Variants in TFEC observed in about 807,000 individuals in gnomAD.
The protein encoded by TFEC is transcription factor EC, also known as class E basic helix-loop-helix protein 34.
In TFEC, 31 loss-of-function variants were observed where a neutral mutation model predicts 41.6. That is an observed-to-expected ratio of 0.74 (90% CI 0.56 to 1.01). The LOEUF (loss-of-function observed/expected upper bound fraction) is 1.01, where lower values mean the gene tolerates loss of function less well. Ranked by LOEUF, TFEC falls within the 50% of genes least tolerant of loss-of-function variation. The pLI is 0.00. For synonymous variants in TFEC, 143 were observed against 140.6 expected, an observed-to-expected ratio of 1.02 and a Z score of -0.12; for missense variants, 402 against 404.1, an observed-to-expected ratio of 0.99 and a Z score of 0.04.
chr7:116,026,705 T>C (rs893715854), intron 1 of TFEC, among the ~76,000 whole-genome samples: 1 of 152,120 alleles, frequency 6.6e-6, no homozygotes, highest in Non-Finnish European at 1.5e-5. Context: ...TAGAGAAAAA[T>C]GGTTGTTTGC....
chr7:116,127,191 G>A (rs1798229804), intron 1 of TFEC, among the ~76,000 whole-genome samples: 1 of 151,848 alleles, frequency 6.6e-6, no homozygotes, highest in Non-Finnish European at 1.5e-5. Context: ...TGCCTCCTGG[G>A]TTCACGCCAT....
At chr7:116,056,516 G>A (rs193281625) in intron 3 of TFEC, among the ~76,000 whole-genome samples, 1 of 152,088 alleles carries the variant, frequency 6.6e-6, no homozygotes, top group East Asian at 1.9e-4. Flanking sequence ...TCTCACACCA[G>A]GCCAAGAATG....
rs1450917001 is a variant in TFEC at position 115,941,957 on chromosome 7, C to T, written c.599G>A (p.Arg200Gln). ...TTTCTTCTGTCTGTGTTCCAATTCTCGGGCTCTCTGTTGTTCTTTTTGTAG... is the reference window on the plus strand; with the variant it reads ...TTTCTTCTGTCTGTGTTCCAATTCTTGGGCTCTCTGTTGTTCTTTTTGTAG... ...KWLQKEQQRA[R>Q]ELEHRQKKLE... Residue 200 changes from arginine to glutamine, a missense_variant, in exon 7 of 8, where the codon CGA (arginine) becomes CAA (glutamine). Transcript: ENST00000265440. The T allele has an allele frequency of 8.1e-6, 13 of 1,612,988 alleles. No homozygotes were observed. The highest frequency in any genetic ancestry group is 3.3e-5 in the Admixed American group (2 of 59,856).
chr7:116,073,463 T>C (rs550005282), intron 3 of TFEC, among the ~76,000 whole-genome samples: 19 of 151,876 alleles, frequency 1.3e-4, no homozygotes, highest in African/African-American at 4.6e-4. Flanking sequence ...TTTTTTTTTT[T>C]ATTATACTTT....
chr7:115,947,768 TTTG>T (rs964077030), intron 6 of TFEC, among the ~76,000 whole-genome samples: 2 of 38,278 alleles, frequency 5.2e-5, no homozygotes, highest in African/African-American at 9.7e-5. Context: ...GATGGGGTTG[TTTG>T]TTTTTTCTTG....
chr7:116,094,730 AAAAC>A (rs1209525891), intron 3 of TFEC, among the ~76,000 whole-genome samples: 1 of 152,128 alleles, frequency 6.6e-6, no homozygotes, highest in African/African-American at 2.4e-5. Flanking sequence ...AACAACAAAA[AAAAC>A]AGAGTACATT....
At chr7:116,034,833 T>C (rs1031491546), upstream of TFEC, among the ~76,000 whole-genome samples, 13 of 151,978 alleles carry the variant, frequency 8.6e-5, no homozygotes, top group Admixed American at 7.2e-4. Context: ...TTCCTTAAAA[T>C]GGTGTCTAAG....
chr7:116,051,764 A>G (rs1246915341), intron 3 of TFEC, among the ~76,000 whole-genome samples: 1 of 152,194 alleles, frequency 6.6e-6, no homozygotes, highest in African/African-American at 2.4e-5. Context: ...TTGAATATTT[A>G]TATCAGACAC....
intron 1 of TFEC, among the ~76,000 whole-genome samples, chr7:116,128,171 C>T (rs1167094954): frequency 6.6e-6 from 1 of 152,034 alleles, no homozygotes; most frequent in Non-Finnish European, 1.5e-5. Context: ...GGAAGTTTAA[C>T]CAGGTTAAAC....
In TFEC at chr7:116,024,877, T is replaced by A. The variant is rs375741743; in HGVS notation, c.-73+5756A>T. Among the ~76,000 whole-genome samples the A allele has an allele frequency of 2.5e-4, 38 of 152,278 alleles. No homozygotes were observed. In the East Asian group the frequency reaches 2.7e-3, roughly 11 times the overall value. The stretch of plus-strand genomic sequence containing the variant: ...TATACATTTTTTCCATCTCCTATCA[T>A]ATTCCAGAATATCTTTGCTTGCTCT... On this transcript the variant is annotated intron_variant, in intron 1 of 7. Transcript: ENST00000265440.
intron 3 of TFEC, among the ~76,000 whole-genome samples, chr7:116,106,409 G>A (rs558249808): frequency 1.3e-5 from 2 of 152,148 alleles, no homozygotes; most frequent in Non-Finnish European, 2.9e-5. Context: ...TTTTGAAACA[G>A]AGTTTTGCTG....
At chr7:115,962,398 G>T (rs962754860) in intron 3 of TFEC, among the ~76,000 whole-genome samples, 3 of 151,730 alleles carry the variant, frequency 2.0e-5, no homozygotes, top group African/African-American at 7.3e-5. Context: ...TCTTGTGAAA[G>T]AACAAAGTTG....
intron 1 of TFEC, among the ~76,000 whole-genome samples, chr7:115,992,897 A>G (rs192990583): frequency 1.6e-4 from 24 of 152,326 alleles, no homozygotes; most frequent in African/African-American, 5.5e-4. Context: ...CAGAGATACA[A>G]CAAAAAAAGA....
intron 1 of TFEC, among the ~76,000 whole-genome samples, chr7:116,130,629 G>T (rs986795818): frequency 1.3e-5 from 2 of 152,060 alleles, no homozygotes; most frequent in Non-Finnish European, 2.9e-5. Context: ...GGGGTAGAGT[G>T]GTGGGGACAG....
At chr7:116,104,998 T>C (rs1797684214) in intron 3 of TFEC, among the ~76,000 whole-genome samples, 1 of 152,188 alleles carries the variant, frequency 6.6e-6, no homozygotes, top group African/African-American at 2.4e-5. Flanking sequence ...TTTACCTCTG[T>C]GTCAGGATTA....
chr7:116,031,253 T>C (rs1475427036), upstream of TFEC, among the ~76,000 whole-genome samples: 1 of 152,134 alleles, frequency 6.6e-6, no homozygotes, highest in Non-Finnish European at 1.5e-5. Flanking sequence ...TTACATATGA[T>C]TTTACTCCTA....
At chr7:115,968,976 A>T (rs1793004233) in intron 3 of TFEC, among the ~76,000 whole-genome samples, 2 of 151,806 alleles carry the variant, frequency 1.3e-5, no homozygotes, top group African/African-American at 4.8e-5. Context: ...AATTCTTGTC[A>T]CCTAGTAAGT....
In TFEC at chr7:115,939,806, C is replaced by T. The variant is rs1259297103; in HGVS notation, c.*745G>A. The T allele has an allele frequency of 6.6e-6, 1 of 152,026 alleles. No homozygotes were observed. Among genetic ancestry groups the T allele is most frequent in the Admixed American group, 6.6e-5 (1 of 15,222 alleles). 9.4% of individuals were successfully genotyped at this position (152,026 alleles called of 1,614,324 possible). A position where few individuals can be genotyped will look rare whatever the true frequency, so the allele number is the denominator to read the frequency against. On this transcript the variant is annotated 3_prime_UTR_variant, in exon 8 of 8. Transcript: ENST00000265440. The stretch of plus-strand genomic sequence containing the variant: ...TATGTTTGTGTGAAGGGATACAATT[C>T]TGGTCCATATTCCTGAGGAAAATAT...
intron 3 of TFEC, among the ~76,000 whole-genome samples, chr7:116,082,416 A>G (rs1797111960): frequency 6.6e-6 from 1 of 152,028 alleles, no homozygotes; most frequent in Non-Finnish European, 1.5e-5. Context: ...TTATGCCTAA[A>G]TATATTCTAA....
Sources: gnomAD v4.1 joint callset for allele counts (sites outside exome capture counted in the v4.1 genomes callset) on GRCh38, gnomAD v4.1.1 for gene constraint, MANE v1.5 for transcripts, NCBI Gene and HGNC (gene_info 2026-07-23, HGNC 2026-07-21) for gene names.